Variants in CDC42SE2 observed in about 807,000 individuals in gnomAD.
CDC42SE2 encodes CDC42 small effector protein 2.
A neutral mutation model predicts 11.5 loss-of-function variants in CDC42SE2; 3 were observed. That is an observed-to-expected ratio of 0.26 (90% CI 0.12 to 0.67). The LOEUF (loss-of-function observed/expected upper bound fraction) is 0.67. CDC42SE2 is among the 30% of genes least tolerant of loss of function. The pLI, the probability that CDC42SE2 is intolerant of heterozygous loss-of-function variation, is 0.80. For synonymous variants in CDC42SE2, 33 were observed against 34.8 expected (o/e 0.95, Z 0.18); for missense variants, 82 against 106.8 (o/e 0.77, Z 1.02).
intron 2 of CDC42SE2, among the ~76,000 whole-genome samples, chr5:131,337,376 C>T (rs1047596373): frequency 2.0e-5 from 3 of 152,198 alleles, no homozygotes; most frequent in Non-Finnish European, 4.4e-5. Flanking sequence ...CAAGTCTGCC[C>T]CTACTGGGGG....
the CDC42SE2 span, among the ~76,000 whole-genome samples, chr5:131,218,652 A>C: frequency 5.3e-5 from 8 of 152,238 alleles, no homozygotes; most frequent in African/African-American, 1.7e-4. Flanking sequence ...TGATATATTC[A>C]TACCATGAGA....
At chr5:131,266,954 CTTT>C (rs34496996) in intron 1 of CDC42SE2, among the ~76,000 whole-genome samples, 91 of 69,534 alleles carry the variant, frequency 1.3e-3, no homozygotes, top group African/African-American at 3.9e-3. Context: ...AAGTGTTTGG[CTTT>C]TTTTTTTTTT....
chr5:131,289,801 G>A (rs141173187), intron 1 of CDC42SE2, among the ~76,000 whole-genome samples: 2 of 152,178 alleles, frequency 1.3e-5, no homozygotes, highest in East Asian at 3.9e-4. Context: ...CTTGAGGTAA[G>A]GAACATGTTA....
At chr5:131,283,009 C>T (rs1462590704) in intron 1 of CDC42SE2, among the ~76,000 whole-genome samples, 1 of 144,322 alleles carries the variant, frequency 6.9e-6, no homozygotes, top group Non-Finnish European at 1.5e-5. Flanking sequence ...CTCACCGCAG[C>T]CTCCACCTCC....
At chr5:131,233,953 T>TA in the CDC42SE2 span, among the ~76,000 whole-genome samples, 1 of 152,176 alleles carries the variant, frequency 6.6e-6, no homozygotes, top group East Asian at 1.9e-4. Context: ...TATAGGTCCC[T>TA]AAATGACTTC....
chr5:131,298,573 C>A (rs575027625), intron 1 of CDC42SE2, among the ~76,000 whole-genome samples: 13 of 151,788 alleles, frequency 8.6e-5, no homozygotes, highest in Non-Finnish European at 1.9e-4. Flanking sequence ...ACTTTCTAGG[C>A]ATCCCAGTAT....
rs1222898446 is a variant in CDC42SE2 at position 131,290,840 on chromosome 5, A to G, written c.-454-25136A>G. Reference sequence around the variant, plus strand: ...TATAGTACTTTACAGGCCAGCGAACATAGTAATTAGAACCTCATGGAAGTG... The same window carrying G: ...TATAGTACTTTACAGGCCAGCGAACGTAGTAATTAGAACCTCATGGAAGTG... On this transcript the variant is annotated intron_variant, in intron 1 of 4. Coordinates refer to ENST00000505065, the MANE Select transcript of CDC42SE2 (RefSeq NM_001375635.1). 3.9e-5 allele frequency among the ~76,000 whole-genome samples: 6 copies of G among 152,222 alleles called. No homozygotes were observed. In the East Asian group the frequency reaches 1.2e-3, roughly 29 times the overall value.
the CDC42SE2 span, among the ~76,000 whole-genome samples, chr5:131,238,757 A>G: frequency 6.6e-6 from 1 of 152,128 alleles, no homozygotes; most frequent in South Asian, 2.1e-4. Flanking sequence ...AATTCAAATA[A>G]CATTTTTTAA....
At chr5:131,330,801 G>T (rs980077681) in intron 2 of CDC42SE2, among the ~76,000 whole-genome samples, 7 of 148,764 alleles carry the variant, frequency 4.7e-5, no homozygotes, top group Non-Finnish European at 8.9e-5. Context: ...AGGAGCACTT[G>T]AGTCCAGGAG....
At chr5:131,327,496 C>G (rs746733478) in intron 2 of CDC42SE2, among the ~76,000 whole-genome samples, 2 of 151,984 alleles carry the variant, frequency 1.3e-5, no homozygotes, top group Non-Finnish European at 2.9e-5. Flanking sequence ...CTTTATGTGA[C>G]CCTCTGAGGC....
intron 2 of CDC42SE2, among the ~76,000 whole-genome samples, chr5:131,316,444 A>G (rs554369327): frequency 1.3e-5 from 2 of 152,334 alleles, no homozygotes; most frequent in African/African-American, 4.8e-5. Flanking sequence ...CAGCGCTGAA[A>G]TGATGGTCAT....
intron 2 of CDC42SE2, among the ~76,000 whole-genome samples, chr5:131,341,233 A>G (rs1043774624): frequency 2.6e-5 from 4 of 152,202 alleles, no homozygotes; most frequent in African/African-American, 9.6e-5. Context: ...GACCAAACCA[A>G]GTAACATCTC....
At chr5:131,235,801 G>A in the CDC42SE2 span, among the ~76,000 whole-genome samples, 1 of 151,892 alleles carries the variant, frequency 6.6e-6, no homozygotes, top group Non-Finnish European at 1.5e-5. Flanking sequence ...CACTATGTTG[G>A]CCGGGCTGCT....
chr5:131,220,884 CTT>C, the CDC42SE2 span, among the ~76,000 whole-genome samples: 40 of 128,952 alleles, frequency 3.1e-4, no homozygotes, highest in Middle Eastern at 4.3e-3. Flanking sequence ...CACCAGAAAC[CTT>C]TTTTTTTTTT....
At chr5:131,252,895 C>T (rs1756652932) in intron 1 of CDC42SE2, 1 of 152,142 alleles carries the variant, frequency 6.6e-6, no homozygotes, top group African/African-American at 2.4e-5. Context: ...TTTAGGAATC[C>T]TTTCTGGACC....
chr5:131,343,726 A>AG (rs1554099240), intron 2 of CDC42SE2, among the ~76,000 whole-genome samples: 30 of 151,814 alleles, frequency 2.0e-4, no homozygotes, highest in African/African-American at 4.8e-4. Context: ...AAAAAAAAAA[A>AG]AGAGAGAGAG....
intron 1 of CDC42SE2, among the ~76,000 whole-genome samples, chr5:131,276,335 C>T (rs1757101863): frequency 6.6e-6 from 1 of 150,896 alleles, no homozygotes; most frequent in Admixed American, 6.6e-5. Flanking sequence ...CATAGTCCCT[C>T]CTACTCAGGA....
chr5:131,373,906 T>C (rs997086080), intron 3 of CDC42SE2, among the ~76,000 whole-genome samples: 1 of 152,090 alleles, frequency 6.6e-6, no homozygotes, highest in African/African-American at 2.4e-5. Flanking sequence ...AGTTCATTCT[T>C]CCAGCAAGTA....
chr5:131,374,149 C>T (rs1052062975), intron 3 of CDC42SE2, among the ~76,000 whole-genome samples: 1 of 152,066 alleles, frequency 6.6e-6, no homozygotes, highest in South Asian at 2.1e-4. Flanking sequence ...ACAGTAGTCT[C>T]TTGGTTGAAT....
Sources: allele counts gnomAD v4.1 joint callset (sites outside exome capture counted in the v4.1 genomes callset), GRCh38; gene constraint gnomAD v4.1.1; transcripts MANE v1.5; gene names NCBI Gene and HGNC (gene_info 2026-07-23, HGNC 2026-07-21).